Variants in ACOXL observed in about 807,000 individuals in gnomAD.
ACOXL encodes acyl-CoA oxidase like.
Under a neutral mutation model 71.9 loss-of-function variants are expected in ACOXL, and 70 were observed. The observed-to-expected ratio is 0.97, with a 90% CI of 0.80 to 1.19. ACOXL has a LOEUF of 1.19. Ranked by LOEUF, ACOXL falls within the 50% of genes most tolerant of loss-of-function variation. The pLI is 0.00. For missense variants in ACOXL, 703 were observed against 736.3 expected (o/e 0.95, Z 0.52); for synonymous variants, 253 against 281.6 (o/e 0.90, Z 1.02).
chr2:110,829,091 G>A lies in ACOXL; in HGVS notation c.754-12280G>A, dbSNP rs558778774. Among the ~76,000 whole-genome samples, 128 of 152,334 alleles carry A rather than the reference G, an allele frequency of 8.4e-4. 1 individual carries two copies. Among genetic ancestry groups the A allele is most frequent in the African/African-American group, 2.4e-3 (101 of 41,586 alleles). Reference sequence around the variant, plus strand: ...CTCCCAAAGTGCTGGGATTATAGGCGTGAGCCACCGTGCCCAGCCTATCTT... The same window carrying A: ...CTCCCAAAGTGCTGGGATTATAGGCATGAGCCACCGTGCCCAGCCTATCTT... On this transcript the variant is annotated intron_variant, in intron 9 of 17. Transcript: ENST00000439055.
intron 12 of ACOXL, among the ~76,000 whole-genome samples, chr2:110,966,424 A>G (rs1162094911): frequency 6.6e-6 from 1 of 152,230 alleles, no homozygotes; most frequent in Non-Finnish European, 1.5e-5. Context: ...AGCAGGGACT[A>G]GTCACTACTC....
intron 17 of ACOXL, among the ~76,000 whole-genome samples, chr2:111,102,855 T>A (rs1446762735): frequency 1.3e-5 from 2 of 152,258 alleles, no homozygotes; most frequent in African/African-American, 2.4e-5. Flanking sequence ...AATGTGTTTG[T>A]AGTTGCTTTT....
chr2:110,999,527 C>T (rs1032366053), intron 14 of ACOXL, among the ~76,000 whole-genome samples: 1 of 152,156 alleles, frequency 6.6e-6, no homozygotes, highest in Non-Finnish European at 1.5e-5. Flanking sequence ...CCAAGATGGA[C>T]CCCCAAGAAT....
intron 11 of ACOXL, among the ~76,000 whole-genome samples, chr2:110,921,099 G>A (rs1174055460): frequency 6.6e-6 from 1 of 151,928 alleles, no homozygotes; most frequent in South Asian, 2.1e-4. Flanking sequence ...GATAGTGTTG[G>A]TTGTAACATT....
intron 12 of ACOXL, among the ~76,000 whole-genome samples, chr2:110,975,617 C>T (rs754306566): frequency 1.3e-5 from 2 of 151,802 alleles, no homozygotes; most frequent in East Asian, 1.9e-4. Context: ...AAATCAACAG[C>T]GTGAAAAAGA....
intron 16 of ACOXL, among the ~76,000 whole-genome samples, chr2:111,051,418 C>G (rs2066282913): frequency 6.6e-6 from 1 of 152,196 alleles, no homozygotes; most frequent in South Asian, 2.1e-4. Context: ...CCACATTTAA[C>G]TTAACCTCAT....
At chr2:111,021,330 A>G (rs1474672091) in intron 14 of ACOXL, among the ~76,000 whole-genome samples, 1 of 152,202 alleles carries the variant, frequency 6.6e-6, no homozygotes, top group East Asian at 1.9e-4. Context: ...TCCGTGGGAA[A>G]CAAGCTGGGA....
chr2:110,762,224 C>G (rs1161116712), intron 1 of ACOXL, among the ~76,000 whole-genome samples: 1 of 152,050 alleles, frequency 6.6e-6, no homozygotes, highest in East Asian at 1.9e-4. Context: ...TTTCAACTTG[C>G]TTATGTCACT....
rs777944199 is a variant in ACOXL at position 110,995,940 on chromosome 2, T to G, written c.1217T>G (p.Leu406Trp). ...ACAGTTGATGATCTCGCCTTTCTGTTGAAAGCAGTGAAATTTCGTGAAAGG... is the reference window on the plus strand; with the variant it reads ...ACAGTTGATGATCTCGCCTTTCTGTGGAAAGCAGTGAAATTTCGTGAAAGG... ...MDTVDDLAFL[L>W]KAVKFRERVL... The change falls in exon 14 of 18, where the codon TTG becomes TGG. Residue 406 changes from leucine (L) to tryptophan (W), a missense_variant. By Grantham distance (61) the Leu-to-Trp change is moderately conservative. Coordinates refer to ENST00000439055, the MANE Select transcript of ACOXL (RefSeq NM_001142807.4). The G allele has an allele frequency of 1.2e-6, 2 of 1,609,788 alleles. No homozygotes were observed. The highest frequency in any genetic ancestry group is 1.7e-6 in the Non-Finnish European group (2 of 1,179,918).
chr2:110,968,189 A>C, intron 12 of ACOXL: 1 of 1,127,694 alleles, frequency 8.9e-7, no homozygotes, highest in Non-Finnish European at 1.3e-6. Context: ...GACAACATCT[A>C]TGAAGGCCAA....
Position 111,117,927 on chromosome 2 carries a change from C to A in ACOXL, c.*111C>A. ...GGCTGGCACCCGCTGGGCCGCCACT[C>A]TCGGGGATTTTGGTGGCAAAGCGGA... On this transcript the variant is annotated 3_prime_UTR_variant, in exon 18 of 18. Coordinates refer to ENST00000439055, the MANE Select transcript of ACOXL (RefSeq NM_001142807.4). 7.7e-7 allele frequency: 1 copy of A among 1,299,436 alleles called. No individual in the cohort carries two copies. Among genetic ancestry groups the A allele is most frequent in the Non-Finnish European group, 1.0e-6 (1 of 970,482 alleles). 80.5% of individuals were successfully genotyped at this position (1,299,436 alleles called of 1,614,324 possible).
chr2:110,857,721 A>G (rs1693435572), intron 10 of ACOXL, among the ~76,000 whole-genome samples: 1 of 151,526 alleles, frequency 6.6e-6, no homozygotes. Context: ...GTTTTTGTTG[A>G]TTAATTGATT....
intron 10 of ACOXL, among the ~76,000 whole-genome samples, chr2:110,846,441 G>T (rs1691843035): frequency 6.6e-6 from 1 of 152,162 alleles, no homozygotes; most frequent in South Asian, 2.1e-4. Context: ...TCAGGCTGCT[G>T]CAGACACAGA....
At chr2:111,068,200 A>C (rs1024496387) in intron 16 of ACOXL, among the ~76,000 whole-genome samples, 2 of 152,286 alleles carry the variant, frequency 1.3e-5, no homozygotes, top group East Asian at 3.9e-4. Context: ...GAAGCAGGAG[A>C]AAAAAGGTGT....
chr2:111,052,747 A>T (rs1207986301), intron 16 of ACOXL, among the ~76,000 whole-genome samples: 1 of 152,050 alleles, frequency 6.6e-6, no homozygotes, highest in African/African-American at 2.4e-5. Flanking sequence ...TGGAGAGCCC[A>T]TTTGCCCTTG....
chr2:110,769,184 C>A (rs1260915290), intron 2 of ACOXL, among the ~76,000 whole-genome samples: 1 of 150,598 alleles, frequency 6.6e-6, no homozygotes, highest in East Asian at 1.9e-4. Context: ...AACTGTCATT[C>A]TAAATTTAGT....
chr2:110,955,229 A>T (rs760900149), intron 12 of ACOXL, among the ~76,000 whole-genome samples: 82 of 152,130 alleles, frequency 5.4e-4, no homozygotes, highest in Non-Finnish European at 1.1e-3. Context: ...TATTAGGCTG[A>T]TATCAATATC....
Position 111,117,830 on chromosome 2 carries a change from A to C in ACOXL, c.*14A>C. ...GCCAAGCTCTAACGGGTGTGGCGGG[A>C]AGTGTGGTGGCCCGCCAGCAGCTGC... On this transcript the variant is annotated 3_prime_UTR_variant, in exon 18 of 18. Coordinates refer to ENST00000439055, the MANE Select transcript of ACOXL (RefSeq NM_001142807.4). 6.5e-7 allele frequency: 1 copy of C among 1,541,986 alleles called. No homozygotes were observed. The highest frequency in any genetic ancestry group is 1.2e-5 in the South Asian group (1 of 83,914).
At chr2:110,787,533 CAAAAA>C (rs1175271772) in intron 3 of ACOXL, among the ~76,000 whole-genome samples, 1 of 53,636 alleles carries the variant, frequency 1.9e-5, no homozygotes, top group Admixed American at 1.8e-4. Context: ...GACTCCGTCT[CAAAAA>C]AAAAAAAAAA....
Sources: allele counts gnomAD v4.1 joint callset (sites outside exome capture counted in the v4.1 genomes callset), GRCh38; gene constraint gnomAD v4.1.1; transcripts MANE v1.5; gene names NCBI Gene and HGNC (gene_info 2026-07-23, HGNC 2026-07-21).